Variants in WRN observed in about 807,000 individuals in gnomAD.
WRN encodes the protein bifunctional 3'-5' exonuclease/ATP-dependent helicase WRN.
A neutral mutation model predicts 180.7 loss-of-function variants in WRN; 149 were observed. The ratio of observed to expected loss-of-function variants is 0.82; its 90% confidence interval spans 0.72 to 0.94. The LOEUF is 0.94. Among genes scored for constraint, WRN ranks in the 40% least tolerant of loss-of-function variants. WRN has a pLI of 0.00. For missense variants in WRN, 1,661 were observed against 1,700.1 expected, an observed-to-expected ratio of 0.98 and a Z score of 0.40; for synonymous variants, 548 against 568.9, an observed-to-expected ratio of 0.96 and a Z score of 0.52.
chr8:31,169,755 C>T (rs761207262), intron 34 of WRN, among the ~76,000 whole-genome samples: 7 of 152,102 alleles, frequency 4.6e-5, no homozygotes, highest in Non-Finnish European at 1.0e-4. Context: ...TTTATCTGGG[C>T]TTTCTCTTCC....
intron 3 of WRN, among the ~76,000 whole-genome samples, chr8:31,059,553 A>G (rs1450743923): frequency 6.6e-6 from 1 of 152,106 alleles, no homozygotes; most frequent in Non-Finnish European, 1.5e-5. Flanking sequence ...TTTAACTTTC[A>G]GTACTTAAGA....
chr8:31,131,183 G>T (rs1321592765), intron 23 of WRN, among the ~76,000 whole-genome samples: 198 of 33,152 alleles, frequency 6.0e-3, no homozygotes, highest in Non-Finnish European at 7.0e-3. Flanking sequence ...ACAGAGTTTT[G>T]CTCTTGTCAC....
chr8:31,120,678 G>A (rs895405935), intron 21 of WRN, among the ~76,000 whole-genome samples: 1 of 151,854 alleles, frequency 6.6e-6, no homozygotes, highest in African/African-American at 2.4e-5. Flanking sequence ...AACTAAATCA[G>A]GACAATACTT....
In WRN at chr8:31,090,950, A is replaced by G. The variant is rs754638126; in HGVS notation, c.1829+8A>G. 9 of 1,593,780 alleles carry G rather than the reference A, an allele frequency of 5.6e-6. No individual in the cohort carries two copies. The highest frequency in any genetic ancestry group is 1.1e-5 in the South Asian group (1 of 90,636). On this transcript the variant is annotated splice_region_variant and intron_variant, in intron 15 of 34. Transcript: ENST00000298139. ...CCAAGTGCTACAGCTTAAGTAAGTC[A>G]TGTTATCATTGCCACAATATCACCC...
chr8:31,113,070 G>A (rs1801379220), intron 19 of WRN, among the ~76,000 whole-genome samples: 1 of 151,760 alleles, frequency 6.6e-6, no homozygotes, highest in South Asian at 2.1e-4. Flanking sequence ...GCTGGGCATG[G>A]TGGTGCATGC....
At chr8:31,150,482 C>G (rs1407966149) in intron 31 of WRN, 27 bp downstream of exon 31, 1 of 1,598,396 alleles carries the variant, frequency 6.3e-7, no homozygotes. Flanking sequence ...TGCAGGAGCT[C>G]TTAGAGAATA....
At chr8:31,110,490 A>C (rs1474680799) in intron 18 of WRN, among the ~76,000 whole-genome samples, 1 of 151,388 alleles carries the variant, frequency 6.6e-6, no homozygotes, top group African/African-American at 2.4e-5. Flanking sequence ...TTTAAATATA[A>C]GTTTGGAGAT....
intron 7 of WRN, among the ~76,000 whole-genome samples, chr8:31,071,879 T>C (rs1370021923): frequency 1.3e-5 from 2 of 152,214 alleles, no homozygotes; most frequent in African/African-American, 4.8e-5. Flanking sequence ...GAAAGACACA[T>C]GTCAAGGATC....
chr8:31,147,576 C>A, intron 30 of WRN, 100 bp downstream of exon 30: 2 of 1,121,872 alleles, frequency 1.8e-6, no homozygotes, highest in Non-Finnish European at 2.6e-6. Context: ...TCCACTGTCA[C>A]ATCTGGGAGG....
chr8:31,095,301 A>G (rs11574256), intron 16 of WRN, among the ~76,000 whole-genome samples: 1,864 of 152,220 alleles, frequency 0.012, 40 homozygotes, highest in African/African-American at 0.043. Context: ...AGTCATTTCT[A>G]TATTCTGAAT....
At chr8:31,120,847 A>C (rs1801698620) in intron 21 of WRN, among the ~76,000 whole-genome samples, 2 of 152,004 alleles carry the variant, frequency 1.3e-5, no homozygotes, top group African/African-American at 4.8e-5. Flanking sequence ...CCCATGCTAC[A>C]GTGGTGATTA....
Position 31,088,596 on chromosome 8 carries a change from A to G in WRN, c.1577-294A>G, listed in dbSNP as rs11574239. 0.011 allele frequency among the ~76,000 whole-genome samples: 1,702 copies of G among 152,176 alleles called. 48 individuals are homozygous for G. The highest frequency in any genetic ancestry group is 0.039 in the African/African-American group (1,623 of 41,544). On this transcript the variant is annotated intron_variant, in intron 12 of 34. Coordinates refer to ENST00000298139, the MANE Select transcript of WRN (RefSeq NM_000553.6). ...CATTTGGATTGGTATATTGCTTGCC[A>G]TGGTTTGTTCTAAATGTTAGCCTTT... is the stretch of plus-strand genomic sequence containing the variant.
At chr8:31,128,684 G>A (rs557625778) in intron 23 of WRN, among the ~76,000 whole-genome samples, 2 of 152,118 alleles carry the variant, frequency 1.3e-5, no homozygotes, top group East Asian at 1.9e-4. Context: ...ATGATGAAAC[G>A]CCGTCTCTAC....
chr8:31,101,067 A>G, intron 18 of WRN, 112 bp downstream of exon 18: 5 of 854,844 alleles, frequency 5.8e-6, no homozygotes, highest in Non-Finnish European at 7.7e-6. Flanking sequence ...GCAAATGGAT[A>G]ATGTAAAAAG....
intron 34 of WRN, among the ~76,000 whole-genome samples, chr8:31,168,385 T>G (rs1260097308): frequency 1.3e-5 from 2 of 152,288 alleles, no homozygotes; most frequent in East Asian, 3.9e-4. Context: ...CTATTTTTTC[T>G]CAATATTGAA....
intron 1 of WRN, among the ~76,000 whole-genome samples, chr8:31,055,649 T>C (rs1812243557): frequency 6.6e-6 from 1 of 152,120 alleles, no homozygotes; most frequent in African/African-American, 2.4e-5. Flanking sequence ...GAGTTCCTTG[T>C]AGATTCTGGA....
chr8:31,122,120 A>T lies in WRN; in HGVS notation c.2630+1696A>T, dbSNP rs1000145028. ...TTAAATGGTTATCTCATTAAGATTT[A>T]ACAGGAAATAACAGTGATTCAAATC... On this transcript the variant is annotated intron_variant, in intron 21 of 34. Coordinates refer to ENST00000298139, the MANE Select transcript of WRN (RefSeq NM_000553.6). 2.4e-4 allele frequency among the ~76,000 whole-genome samples: 36 copies of T among 152,042 alleles called. 1 individual carries two copies. Among genetic ancestry groups the T allele is most frequent in the Non-Finnish European group, 2.9e-5 (2 of 67,922 alleles).
At position 31,084,405 on chromosome 8, in the gene WRN, A is replaced by G. The variant is rs11574228; in HGVS notation, c.1350+626A>G. 6.2e-3 allele frequency among the ~76,000 whole-genome samples: 940 copies of G among 152,322 alleles called. 7 individuals are homozygous for G. Among genetic ancestry groups the G allele is most frequent in the Non-Finnish European group, 0.011 (716 of 68,036 alleles). ...CTTTATTCGTTAAATAAGAAGTAAA[A>G]TAACTTTTTTTTAAAAAAAGAACTT... On this transcript the variant is annotated intron_variant, in intron 10 of 34. Coordinates refer to ENST00000298139, the MANE Select transcript of WRN (RefSeq NM_000553.6).
chr8:31,049,205 T>G (rs1811989006), intron 1 of WRN, among the ~76,000 whole-genome samples: 1 of 83,030 alleles, frequency 1.2e-5, no homozygotes, highest in African/African-American at 4.6e-5. Flanking sequence ...TGCGAGACTC[T>G]GTCTCAAAAA....
Sources: gnomAD v4.1 joint callset for allele counts (sites outside exome capture counted in the v4.1 genomes callset) on GRCh38, gnomAD v4.1.1 for gene constraint, MANE v1.5 for transcripts, NCBI Gene and HGNC (gene_info 2026-07-23, HGNC 2026-07-21) for gene names.